KCNT2: variants seen among roughly 807,000 people sequenced by gnomAD.
KCNT2 encodes the protein potassium channel subfamily T member 2.
KCNT2 carries 67 observed loss-of-function variants against 153.8 expected under a neutral mutation model. The observed-to-expected ratio is 0.44, with a 90% CI of 0.36 to 0.53. The LOEUF is 0.53. Among genes scored for constraint, KCNT2 ranks in the 20% least tolerant of loss-of-function variants. The pLI, the probability that KCNT2 is intolerant of heterozygous loss-of-function variation, is 0.00. For missense variants in KCNT2, 975 were observed against 1,354.8 expected (o/e 0.72, Z 4.40); for synonymous variants, 500 against 458.8 (o/e 1.09, Z -1.15).
chr1:196,522,891 C>G (rs1300478231), intron 1 of KCNT2, among the ~76,000 whole-genome samples: 2 of 152,124 alleles, frequency 1.3e-5, no homozygotes, highest in African/African-American at 4.8e-5. Flanking sequence ...CCAATCAGTG[C>G]TCTGTAAAAT....
intron 1 of KCNT2, among the ~76,000 whole-genome samples, chr1:196,555,261 C>G (rs1285824588): frequency 2.0e-5 from 3 of 150,922 alleles, no homozygotes; most frequent in Non-Finnish European, 4.5e-5. Context: ...ACCTAAAAGA[C>G]TACACAGAAA....
At chr1:196,412,989 C>T (rs1318559406) in intron 12 of KCNT2, among the ~76,000 whole-genome samples, 1 of 151,542 alleles carries the variant, frequency 6.6e-6, no homozygotes, top group African/African-American at 2.4e-5. Context: ...CATTTTCTTA[C>T]AGTGCCAGGA....
intron 12 of KCNT2, among the ~76,000 whole-genome samples, chr1:196,416,790 C>G (rs1164484835): frequency 6.6e-6 from 1 of 152,020 alleles, no homozygotes. Flanking sequence ...CAATTATACT[C>G]TTAGTTATTT....
At chr1:196,374,434 TTC>T (rs1668782067) in intron 13 of KCNT2, among the ~76,000 whole-genome samples, 1 of 151,852 alleles carries the variant, frequency 6.6e-6, no homozygotes, top group Middle Eastern at 3.2e-3. Flanking sequence ...TTTTTATTGT[TTC>T]TCTTTCACAT....
At chr1:196,363,021 C>T (rs891947428) in intron 14 of KCNT2, among the ~76,000 whole-genome samples, 7 of 152,016 alleles carry the variant, frequency 4.6e-5, no homozygotes, top group Non-Finnish European at 1.0e-4. Flanking sequence ...AACTTTCACC[C>T]CTAATATTAG....
chr1:196,443,196 C>T (rs1048705851), intron 8 of KCNT2, among the ~76,000 whole-genome samples: 3 of 151,608 alleles, frequency 2.0e-5, no homozygotes, highest in South Asian at 4.2e-4. Context: ...GGAAGAAATA[C>T]AAATTTTATT....
chr1:196,280,736 A>G, intron 25 of KCNT2, 124 bp downstream of exon 25: 1 of 909,844 alleles, frequency 1.1e-6, no homozygotes, highest in Non-Finnish European at 1.7e-6. Context: ...ATTTAACACT[A>G]CGTATTCAGG....
intron 13 of KCNT2, among the ~76,000 whole-genome samples, chr1:196,391,044 T>C (rs1340461026): frequency 1.3e-5 from 2 of 151,174 alleles, no homozygotes; most frequent in African/African-American, 4.8e-5. Context: ...CAATATACAG[T>C]GAGACTAGAG....
intron 13 of KCNT2, among the ~76,000 whole-genome samples, chr1:196,376,310 C>G (rs1668963717): frequency 6.6e-6 from 1 of 151,804 alleles, no homozygotes. Flanking sequence ...TATGTTTCAT[C>G]TACCAGACAC....
At chr1:196,320,694 A>G (rs1195814585) in intron 19 of KCNT2, among the ~76,000 whole-genome samples, 2 of 150,796 alleles carry the variant, frequency 1.3e-5, no homozygotes, top group Non-Finnish European at 3.0e-5. Flanking sequence ...AGAATGCTTA[A>G]TACAGCAAAA....
At chr1:196,483,370 CA>C (rs1679166501) in intron 3 of KCNT2, among the ~76,000 whole-genome samples, 1 of 152,156 alleles carries the variant, frequency 6.6e-6, no homozygotes, top group Non-Finnish European at 1.5e-5. Flanking sequence ...TGGATGCTTG[CA>C]AAAACCTACC....
intron 1 of KCNT2, among the ~76,000 whole-genome samples, chr1:196,495,120 G>A (rs549596899): frequency 6.6e-6 from 1 of 152,148 alleles, no homozygotes; most frequent in African/African-American, 2.4e-5. Context: ...TATAATCATT[G>A]AGAAACATGG....
chr1:196,227,936 T>C lies in KCNT2; in HGVS notation c.*288A>G, dbSNP rs1382410788. 4.4e-6 allele frequency: 1 copy of C among 225,452 alleles called. No homozygotes were observed. Among genetic ancestry groups the C allele is most frequent in the Non-Finnish European group, 8.6e-6 (1 of 116,332 alleles). 14.0% of individuals were successfully genotyped at this position (225,452 alleles called of 1,614,324 possible). A position where few individuals can be genotyped will look rare whatever the true frequency, so the allele number is the denominator to read the frequency against. ...AACCTTAATAATTTTTAAAATTGCT[T>C]TCATAGAGTTTGGATTATTATAAAA... On this transcript the variant is annotated 3_prime_UTR_variant, in exon 28 of 28. Coordinates refer to ENST00000294725, the MANE Select transcript of KCNT2 (RefSeq NM_198503.5).
chr1:196,366,825 C>T (rs1335283930), intron 14 of KCNT2, among the ~76,000 whole-genome samples: 1 of 152,112 alleles, frequency 6.6e-6, no homozygotes, highest in East Asian at 1.9e-4. Context: ...CACCTGAAAT[C>T]ATTCTGTCAC....
intron 1 of KCNT2, among the ~76,000 whole-genome samples, chr1:196,517,109 C>T (rs977056704): frequency 1.3e-5 from 2 of 152,054 alleles, no homozygotes; most frequent in Non-Finnish European, 2.9e-5. Flanking sequence ...GGGGAGTCCA[C>T]GGCAACCAGA....
At chr1:196,358,888 A>G (rs570183186) in intron 14 of KCNT2, among the ~76,000 whole-genome samples, 4 of 151,926 alleles carry the variant, frequency 2.6e-5, no homozygotes, top group Non-Finnish European at 5.9e-5. Context: ...TAAGGACATT[A>G]AATGGATTCC....
chr1:196,264,939 A>G (rs1021529132), intron 25 of KCNT2, among the ~76,000 whole-genome samples: 1 of 152,116 alleles, frequency 6.6e-6, no homozygotes. Context: ...CCCAGCCCCA[A>G]TGCTTAATCG....
At chr1:196,327,668 C>CTTTTTTTTTTT (rs773639795) in intron 18 of KCNT2, among the ~76,000 whole-genome samples, 11,875 of 125,972 alleles carry the variant, frequency 0.094, 1,373 homozygotes, top group African/African-American at 0.24. Context: ...ATATTCTGAT[C>CTTTTTTTTTTT]TTTTTTTTTT....
intron 8 of KCNT2, among the ~76,000 whole-genome samples, chr1:196,446,294 C>T (rs1675681432): frequency 6.6e-6 from 1 of 151,408 alleles, no homozygotes; most frequent in South Asian, 2.1e-4. Flanking sequence ...CCATGAGACG[C>T]ATTCAACTAA....
Sources: allele counts gnomAD v4.1 joint callset (sites outside exome capture counted in the v4.1 genomes callset), GRCh38; gene constraint gnomAD v4.1.1; transcripts MANE v1.5; gene names NCBI Gene and HGNC (gene_info 2026-07-23, HGNC 2026-07-21).